Variants in OPCML observed in about 807,000 individuals in gnomAD.
The protein encoded by OPCML is opioid binding protein/cell adhesion molecule like.
In OPCML, 13 loss-of-function variants were observed where a neutral mutation model predicts 37.8. The observed-to-expected ratio is 0.34, with a 90% confidence interval of 0.22 to 0.55. The LOEUF is 0.55. Ranked by LOEUF, OPCML falls within the 20% of genes least tolerant of loss-of-function variation. The pLI, the probability that OPCML is intolerant of heterozygous loss-of-function variation, is 0.91. For synonymous variants in OPCML, 176 were observed against 168.8 expected (o/e 1.04, Z -0.33); for missense variants, 341 against 435.6 (o/e 0.78, Z 1.93).
chr11:133,390,439 G>A (rs6590692), intron 1 of OPCML, among the ~76,000 whole-genome samples: 71,042 of 151,578 alleles, frequency 0.47, 19,327 homozygotes, highest in African/African-American at 0.77. Flanking sequence ...CTCCAGCCCG[G>A]GTGACAGAAC....
At chr11:133,367,820 T>C (rs915856155) in intron 1 of OPCML, among the ~76,000 whole-genome samples, 8 of 152,112 alleles carry the variant, frequency 5.3e-5, no homozygotes, top group South Asian at 4.1e-4. Context: ...GGGAGCAACC[T>C]CTGATCCCAT....
chr11:133,071,986 C>A (rs1405639035), intron 1 of OPCML, among the ~76,000 whole-genome samples: 1 of 152,148 alleles, frequency 6.6e-6, no homozygotes, highest in African/African-American at 2.4e-5. Flanking sequence ...GTCAGGACTG[C>A]GTGTGCAGGA....
At chr11:133,095,131 A>G (rs774898481) in intron 1 of OPCML, among the ~76,000 whole-genome samples, 1 of 151,868 alleles carries the variant, frequency 6.6e-6, no homozygotes, top group African/African-American at 2.4e-5. Context: ...TAGCTGTTCT[A>G]TTGGTGCCAG....
intron 1 of OPCML, among the ~76,000 whole-genome samples, chr11:133,076,023 A>G (rs972953123): frequency 6.6e-6 from 1 of 152,202 alleles, no homozygotes; most frequent in Non-Finnish European, 1.5e-5. Flanking sequence ...GTACATTGGT[A>G]TTACTAATTT....
rs184558019 is a variant in OPCML at position 133,087,769 on chromosome 11, C to T, written c.62-144759G>A. The stretch of plus-strand genomic sequence containing the variant: ...GACTAGAACCCTGTAGAGGTATGAT[C>T]GAGCTTGACAGCAAATGCTGATGCT... On this transcript the variant is annotated intron_variant, in intron 1 of 7. Coordinates refer to ENST00000524381, the MANE Select transcript of OPCML (RefSeq NM_001012393.5). Among the ~76,000 whole-genome samples the T allele has an allele frequency of 3.3e-5, 5 of 152,278 alleles. No homozygotes were observed. The South Asian group carries it at 6.2e-4, about 19-fold the overall frequency.
At chr11:132,991,566 G>T (rs1216671612) in intron 1 of OPCML, among the ~76,000 whole-genome samples, 4 of 152,166 alleles carry the variant, frequency 2.6e-5, no homozygotes, top group Admixed American at 6.5e-5. Context: ...GGGCTCTACG[G>T]TGAAGACCTA....
intron 4 of OPCML, among the ~76,000 whole-genome samples, chr11:132,515,878 G>A (rs1359941075): frequency 1.3e-5 from 2 of 152,190 alleles, no homozygotes; most frequent in African/African-American, 4.8e-5. Flanking sequence ...AGGAAGAAAA[G>A]AGCCTGCAGA....
chr11:133,506,593 C>T (rs1388682544), intron 1 of OPCML, among the ~76,000 whole-genome samples: 1 of 152,116 alleles, frequency 6.6e-6, no homozygotes, highest in Non-Finnish European at 1.5e-5. Context: ...TTCAAATAAG[C>T]CTGAGACAAG....
At chr11:133,392,625 C>T (rs1945196464) in intron 1 of OPCML, among the ~76,000 whole-genome samples, 1 of 152,214 alleles carries the variant, frequency 6.6e-6, no homozygotes, top group African/African-American at 2.4e-5. Context: ...GCAGCTCATT[C>T]TGAGGCTTGT....
intron 3 of OPCML, among the ~76,000 whole-genome samples, chr11:132,569,984 G>A (rs544585762): frequency 6.6e-6 from 1 of 150,860 alleles, no homozygotes; most frequent in Non-Finnish European, 1.5e-5. Flanking sequence ...ATGAATCCAG[G>A]TGAAAGAAAT....
chr11:132,557,728 C>T (rs907934840), intron 3 of OPCML, among the ~76,000 whole-genome samples: 6 of 152,070 alleles, frequency 3.9e-5, no homozygotes, highest in African/African-American at 9.7e-5. Context: ...GTAATAAAGA[C>T]GAATAAGGTT....
At chr11:133,420,205 T>C (rs74705739) in intron 1 of OPCML, 238 of 959,848 alleles carry the variant, frequency 2.5e-4, no homozygotes, top group South Asian at 3.4e-4. Context: ...TTTTTTTTTT[T>C]CCTCAGAGAT....
intron 1 of OPCML, chr11:133,365,616 G>A (rs572799746): frequency 6.6e-6 from 1 of 152,194 alleles, no homozygotes; most frequent in Admixed American, 6.5e-5. Context: ...TGTATGGTAG[G>A]GTAAATGAAT....
intron 1 of OPCML, among the ~76,000 whole-genome samples, chr11:132,989,638 T>C (rs1466252300): frequency 1.5e-5 from 2 of 136,366 alleles, no homozygotes; most frequent in Non-Finnish European, 3.3e-5. Context: ...TGTGTGTGTG[T>C]GTGTGTGTGT....
chr11:133,343,395 T>C (rs1943921501), intron 1 of OPCML, among the ~76,000 whole-genome samples: 1 of 152,194 alleles, frequency 6.6e-6, no homozygotes, highest in Admixed American at 6.5e-5. Flanking sequence ...AAATTAATTT[T>C]GTTAATTAAA....
chr11:132,582,500 T>C (rs1283271807), intron 3 of OPCML, among the ~76,000 whole-genome samples: 1 of 152,168 alleles, frequency 6.6e-6, no homozygotes, highest in East Asian at 1.9e-4. Context: ...AGTATGCATT[T>C]TGGAAACCAC....
chr11:133,072,320 A>G (rs1332541228), intron 1 of OPCML, among the ~76,000 whole-genome samples: 1 of 152,244 alleles, frequency 6.6e-6, no homozygotes, highest in East Asian at 1.9e-4. Context: ...ATCACTCAAA[A>G]TGCTATTAAA....
intron 1 of OPCML, chr11:133,299,844 T>C (rs1942735512): frequency 6.6e-6 from 1 of 152,086 alleles, no homozygotes; most frequent in Admixed American, 6.6e-5. Context: ...AAGGGATCCC[T>C]ACCTAGAAAA....
At chr11:133,191,485 T>C (rs1938310510) in intron 1 of OPCML, among the ~76,000 whole-genome samples, 1 of 147,772 alleles carries the variant, frequency 6.8e-6, no homozygotes, top group Non-Finnish European at 1.5e-5. Context: ...TCTGTATCTT[T>C]TTCTTTTCTG....
Sources: gnomAD v4.1 joint callset for allele counts (sites outside exome capture counted in the v4.1 genomes callset) on GRCh38, gnomAD v4.1.1 for gene constraint, MANE v1.5 for transcripts, NCBI Gene and HGNC (gene_info 2026-07-23, HGNC 2026-07-21) for gene names.